The following NBAS variants were observed in gnomAD, a reference collection of about 807,000 sequenced individuals.
NBAS encodes NAG/BC035112 fusion.
Under a neutral mutation model 302.5 loss-of-function variants are expected in NBAS, and 219 were observed. The ratio of observed to expected loss-of-function variants is 0.72; its 90% CI spans 0.65 to 0.81. The LOEUF (loss-of-function observed/expected upper bound fraction) is 0.81, where lower values mean the gene tolerates loss of function less well. NBAS is among the 30% of genes least tolerant of loss of function. NBAS has a pLI of 0.00. For missense variants in NBAS, 2,932 were observed against 2,841.6 expected (o/e 1.03, Z -0.72); for synonymous variants, 1,118 against 1,021.6 (o/e 1.09, Z -1.80).
At chr2:15,386,921 T>C (rs1675326502) in intron 28 of NBAS, among the ~76,000 whole-genome samples, 1 of 152,150 alleles carries the variant, frequency 6.6e-6, no homozygotes, top group South Asian at 2.1e-4. Flanking sequence ...TCATATTAAT[T>C]GAGTGTGTCC....
chr2:14,956,613 C>A, the NBAS span, among the ~76,000 whole-genome samples: 6 of 152,124 alleles, frequency 3.9e-5, no homozygotes, highest in Admixed American at 3.9e-4. Flanking sequence ...ACAATCATGG[C>A]AGAAAAGGAA....
chr2:14,966,908 C>T, the NBAS span, among the ~76,000 whole-genome samples: 1 of 152,008 alleles, frequency 6.6e-6, no homozygotes, highest in Admixed American at 6.5e-5. Context: ...TGATAGAATC[C>T]ACAATAAAGC....
rs757289808 is a variant in NBAS, at chr2:15,379,775, T to C, written c.3417A>G (p.Gly1139=). 5.6e-6 allele frequency: 9 copies of C among 1,614,044 alleles called. No individual in the cohort carries two copies. Among genetic ancestry groups the C allele is most frequent in the Non-Finnish European group, 6.8e-6 (8 of 1,179,990 alleles). The change falls in exon 30 of 52, where the codon GGA becomes GGG. Residue 1139 remains glycine (G), a synonymous_variant. Coordinates refer to ENST00000281513, the MANE Select transcript of NBAS (RefSeq NM_015909.4). ...AACAAGCACTGCAGTGCATCATCTG[T>C]CCAGCCAGGTGGATGTTTTCAAGGC... ...SSRLENIHLA[G]QMMHCSACSE...
At chr2:15,358,915 G>A (rs1347223714) in intron 32 of NBAS, among the ~76,000 whole-genome samples, 3 of 152,116 alleles carry the variant, frequency 2.0e-5, no homozygotes, top group African/African-American at 7.2e-5. Flanking sequence ...TCTGGCATGC[G>A]GGTTATTTCA....
chr2:14,846,910 G>A, the NBAS span, among the ~76,000 whole-genome samples: 36 of 151,856 alleles, frequency 2.4e-4, no homozygotes, highest in South Asian at 5.0e-3. Flanking sequence ...GAAAGAGAAA[G>A]AGAAAAAAAC....
chr2:14,853,571 G>A, the NBAS span, among the ~76,000 whole-genome samples: 2 of 84,482 alleles, frequency 2.4e-5, 1 homozygote, highest in Non-Finnish European at 4.4e-5. Context: ...CCCATTACTG[G>A]GTATATACCC....
intron 16 of NBAS, among the ~76,000 whole-genome samples, chr2:15,471,071 A>T (rs1034058513): frequency 2.6e-5 from 4 of 152,178 alleles, no homozygotes; most frequent in African/African-American, 9.6e-5. Flanking sequence ...TTAACTGTCT[A>T]TTTAACTAAA....
the NBAS span, among the ~76,000 whole-genome samples, chr2:15,051,292 A>T: frequency 6.6e-6 from 1 of 152,186 alleles, no homozygotes; most frequent in African/African-American, 2.4e-5. Flanking sequence ...GTACACCTCA[A>T]TCAGTGACCT....
At chr2:15,529,957 A>G (rs991401404) in intron 9 of NBAS, among the ~76,000 whole-genome samples, 2 of 152,224 alleles carry the variant, frequency 1.3e-5, no homozygotes, top group African/African-American at 4.8e-5. Context: ...ATTACATTCA[A>G]TATTATAAAA....
intron 48 of NBAS, among the ~76,000 whole-genome samples, chr2:15,217,023 TC>T (rs1666682847): frequency 6.6e-6 from 1 of 152,216 alleles, no homozygotes; most frequent in Non-Finnish European, 1.5e-5. Flanking sequence ...TTTAGGGTTT[TC>T]CCCAGGGATG....
intron 47 of NBAS, among the ~76,000 whole-genome samples, chr2:15,221,773 G>A (rs1666959417): frequency 6.6e-6 from 1 of 152,226 alleles, no homozygotes; most frequent in South Asian, 2.1e-4. Context: ...TTTTCAGGGA[G>A]AGATTAAAGC....
chr2:15,466,656 C>T (rs907406973), intron 19 of NBAS, among the ~76,000 whole-genome samples: 33 of 152,170 alleles, frequency 2.2e-4, no homozygotes, highest in African/African-American at 7.7e-4. Flanking sequence ...AATTAAAATA[C>T]GCCAGGCATA....
At chr2:15,245,049 G>C (rs1238302306) in intron 44 of NBAS, among the ~76,000 whole-genome samples, 1 of 152,100 alleles carries the variant, frequency 6.6e-6, no homozygotes, top group Non-Finnish European at 1.5e-5. Flanking sequence ...TGTTGTGCTA[G>C]GCCACTGTGA....
the NBAS span, among the ~76,000 whole-genome samples, chr2:14,870,613 T>C: frequency 6.6e-6 from 1 of 151,788 alleles, no homozygotes; most frequent in Admixed American, 6.6e-5. Flanking sequence ...ACTACTTCCA[T>C]GTAGCTTAAC....
intron 44 of NBAS, among the ~76,000 whole-genome samples, chr2:15,255,420 C>T (rs569474248): frequency 1.3e-5 from 2 of 152,076 alleles, no homozygotes; most frequent in East Asian, 3.9e-4. Context: ...TGTTTGCTTG[C>T]TTCTTGCTGA....
chr2:15,094,246 T>C, the NBAS span, among the ~76,000 whole-genome samples: 1 of 152,204 alleles, frequency 6.6e-6, no homozygotes, highest in African/African-American at 2.4e-5. Context: ...AAAGAACATA[T>C]TTCCCTCTCT....
At chr2:15,553,530 T>C in intron 4 of NBAS, 57 bp from the exon 5 acceptor site, 1 of 1,399,114 alleles carries the variant, frequency 7.1e-7, no homozygotes, top group Non-Finnish European at 1.0e-6. Flanking sequence ...TATAGCAGTT[T>C]TCAGCACAGA....
At chr2:14,999,368 T>G in the NBAS span, among the ~76,000 whole-genome samples, 2 of 152,030 alleles carry the variant, frequency 1.3e-5, no homozygotes, top group African/African-American at 4.8e-5. Flanking sequence ...AAAATCAGTT[T>G]TATCTGATAT....
At chr2:14,860,304 C>T in the NBAS span, among the ~76,000 whole-genome samples, 1 of 152,144 alleles carries the variant, frequency 6.6e-6, no homozygotes. Context: ...ATAGAGCTAT[C>T]ATATGATCCA....
Sources: allele counts gnomAD v4.1 joint callset (sites outside exome capture counted in the v4.1 genomes callset), GRCh38; gene constraint gnomAD v4.1.1; transcripts MANE v1.5; gene names NCBI Gene and HGNC (gene_info 2026-07-23, HGNC 2026-07-21).